Variants in CACNA1E observed in about 807,000 individuals in gnomAD.
The protein encoded by CACNA1E is voltage-dependent R-type calcium channel subunit alpha-1E.
CACNA1E carries 40 observed loss-of-function variants against 259.2 expected under a neutral mutation model. That is an observed-to-expected ratio of 0.15 (90% confidence interval 0.12 to 0.20). The LOEUF is 0.20. CACNA1E is among the 10% of genes least tolerant of loss of function. The pLI is 1.00. For synonymous variants in CACNA1E, 1,104 were observed against 1,138.5 expected, an observed-to-expected ratio of 0.97 and a Z score of 0.61; for missense variants, 1,874 against 3,040.1, an observed-to-expected ratio of 0.62 and a Z score of 9.02.
At position 181,733,666 on chromosome 1, in the gene CACNA1E, A is replaced by G. The variant is rs777276812; in HGVS notation, c.3178A>G (p.Thr1060Ala). 1.2e-6 allele frequency: 2 copies of G among 1,609,806 alleles called. No homozygotes were observed. The highest frequency in any genetic ancestry group is 1.7e-6 in the Non-Finnish European group (2 of 1,177,958). ...TGACCTCTCCTGCATCACGGCCAAC[A>G]CGGACAAGGCCACCACCGAGAGCAC... ...EPDLSCITAN[T>A]DKATTESTSV... Residue 1060 changes from threonine to alanine, a missense_variant, in exon 21 of 48, where the codon ACG (threonine) becomes GCG (alanine). This residue lies in a region of CACNA1E where 476 missense variants were observed against 514.0 expected (regional missense o/e 0.93). Transcript: ENST00000367573.
chr1:181,700,536 A>C (rs1401751445), intron 7 of CACNA1E, among the ~76,000 whole-genome samples: 1 of 152,232 alleles, frequency 6.6e-6, no homozygotes, highest in Non-Finnish European at 1.5e-5. Flanking sequence ...AGCTTACAGC[A>C]TCATAGGGTC....
chr1:181,557,137 A>G (rs890961770), intron 3 of CACNA1E, among the ~76,000 whole-genome samples: 2 of 152,044 alleles, frequency 1.3e-5, no homozygotes, highest in Admixed American at 1.3e-4. Context: ...CATTCCCACC[A>G]CCTTCCTCCC....
At chr1:181,503,304 A>C (rs1665427885) in intron 1 of CACNA1E, among the ~76,000 whole-genome samples, 1 of 152,174 alleles carries the variant, frequency 6.6e-6, no homozygotes, top group Admixed American at 6.5e-5. Flanking sequence ...TGGGAACTGG[A>C]GCCAGACTTC....
intron 7 of CACNA1E, among the ~76,000 whole-genome samples, chr1:181,704,524 G>A (rs1652602407): frequency 6.6e-6 from 1 of 152,156 alleles, no homozygotes; most frequent in African/African-American, 2.4e-5. Flanking sequence ...GGGTAGCAAA[G>A]CTCTCTGAAA....
intron 1 of CACNA1E, among the ~76,000 whole-genome samples, chr1:181,358,750 G>A (rs1037202821): frequency 3.3e-5 from 5 of 152,122 alleles, no homozygotes; most frequent in African/African-American, 7.2e-5. Context: ...TGTAAAGCAG[G>A]CTTCTATAAA....
intron 1 of CACNA1E, among the ~76,000 whole-genome samples, chr1:181,340,173 A>G (rs1038247134): frequency 6.6e-6 from 1 of 151,528 alleles, no homozygotes; most frequent in Non-Finnish European, 1.5e-5. Flanking sequence ...ATTTTTTTTT[A>G]CATGTCTACT....
intron 7 of CACNA1E, 48 bp from the exon 8 acceptor site, chr1:181,710,906 G>A: frequency 1.5e-6 from 2 of 1,317,862 alleles, no homozygotes; most frequent in Non-Finnish European, 2.2e-6. Flanking sequence ...CTTTCCCTTA[G>A]TCATGGCCCT....
At chr1:181,321,372 G>A (rs750605109) in intron 1 of CACNA1E, among the ~76,000 whole-genome samples, 1 of 152,174 alleles carries the variant, frequency 6.6e-6, no homozygotes, top group African/African-American at 2.4e-5. Context: ...ACCTGGGGTG[G>A]TGGAATTGTC....
chr1:181,439,771 T>G (rs535798198), intron 2 of CACNA1E, among the ~76,000 whole-genome samples: 1 of 152,290 alleles, frequency 6.6e-6, no homozygotes, highest in East Asian at 1.9e-4. Flanking sequence ...TATAAAAACA[T>G]AAAATGGATT....
rs548422004 is a variant in CACNA1E, at chr1:181,501,821, A to T, written c.267-8656A>T. ...AACAGAGGCAGCTGTTGTCATGGCG[A>T]TGGCAGGTTGCATCCCACCACCATG... On this transcript the variant is annotated intron_variant, in intron 1 of 47. Transcript: ENST00000367573. Among the ~76,000 whole-genome samples the T allele has an allele frequency of 1.3e-4, 20 of 152,256 alleles. No individual in the cohort carries two copies. The East Asian group carries it at 3.9e-3, about 29-fold the overall frequency.
chr1:181,557,813 G>A (rs1055893614), intron 3 of CACNA1E, among the ~76,000 whole-genome samples: 1 of 152,172 alleles, frequency 6.6e-6, no homozygotes, highest in African/African-American at 2.4e-5. Flanking sequence ...GAAAGGACTC[G>A]GGTTATGTTA....
chr1:181,660,581 GT>G (rs1647554663), intron 7 of CACNA1E, among the ~76,000 whole-genome samples: 1 of 152,190 alleles, frequency 6.6e-6, no homozygotes, highest in Admixed American at 6.5e-5. Flanking sequence ...TATAACTTCA[GT>G]GTTAAACCTT....
chr1:181,565,015 C>A (rs950054009), intron 3 of CACNA1E, among the ~76,000 whole-genome samples: 8 of 151,954 alleles, frequency 5.3e-5, no homozygotes, highest in African/African-American at 1.9e-4. Context: ...GTAGATTTAG[C>A]ATAATTTTTA....
chr1:181,432,695 T>C lies in CACNA1E; in HGVS notation c.434+19115T>C, dbSNP rs139997660. Reference sequence around the variant, plus strand: ...GTGGTGGGAAGTCTGAGTTTTGGTCTCCCCTCTCTCACTAACTAGCTGTGT... The same window carrying C: ...GTGGTGGGAAGTCTGAGTTTTGGTCCCCCCTCTCTCACTAACTAGCTGTGT... On this transcript the variant is annotated intron_variant, in intron 2 of 11. Coordinates refer to the CACNA1E transcript ENST00000524607. Among the ~76,000 whole-genome samples, 333 of 152,256 alleles carry C rather than the reference T, an allele frequency of 2.2e-3. 2 individuals are homozygous for C. Among genetic ancestry groups the C allele is most frequent in the African/African-American group, 7.7e-3 (322 of 41,550 alleles).
At chr1:181,608,351 C>G (rs1654425739) in intron 6 of CACNA1E, among the ~76,000 whole-genome samples, 1 of 152,056 alleles carries the variant, frequency 6.6e-6, no homozygotes, top group Non-Finnish European at 1.5e-5. Flanking sequence ...ACCTATGGAG[C>G]AGTTGAAGAA....
chr1:181,704,541 C>A (rs1321607497), intron 7 of CACNA1E, among the ~76,000 whole-genome samples: 1 of 152,166 alleles, frequency 6.6e-6, no homozygotes, highest in African/African-American at 2.4e-5. Context: ...GAAACATGGA[C>A]TCTGAAGATT....
chr1:181,761,090 A>G (rs697260), intron 32 of CACNA1E, among the ~76,000 whole-genome samples: 128,472 of 152,152 alleles, frequency 0.84, 54,407 homozygotes, highest in South Asian at 0.89. Context: ...GTGTGATTCA[A>G]TCTGTCCATA....
At chr1:181,720,911 C>A in intron 15 of CACNA1E, 56 bp downstream of exon 15, 1 of 1,075,656 alleles carries the variant, frequency 9.3e-7, no homozygotes, top group East Asian at 2.4e-5. Context: ...GGACTGCACA[C>A]TGCAAGACAA....
At position 181,519,263 on chromosome 1, in the gene CACNA1E, T is replaced by C. The variant is rs149354774; in HGVS notation, c.512+7753T>C. Among the ~76,000 whole-genome samples the C allele has an allele frequency of 5.3e-3, 803 of 152,294 alleles. 4 individuals carry two copies. Among genetic ancestry groups the C allele is most frequent in the African/African-American group, 0.018 (762 of 41,556 alleles). The stretch of plus-strand genomic sequence containing the variant: ...GTTGAAATATGTCTCCTCCTTTGGG[T>C]AGAGATTTGTGCACTTGTGTCTATG... On this transcript the variant is annotated intron_variant, in intron 3 of 47. Coordinates refer to ENST00000367573, the MANE Select transcript of CACNA1E (RefSeq NM_001205293.3).
Sources: gnomAD v4.1 joint callset for allele counts (sites outside exome capture counted in the v4.1 genomes callset) on GRCh38, gnomAD v4.1.1 for gene constraint, gnomAD v4.1.1 regional missense constraint, MANE v1.5 for transcripts, NCBI Gene and HGNC (gene_info 2026-07-23, HGNC 2026-07-21) for gene names.